Variants in NUBPL observed in about 807,000 individuals in gnomAD.
The protein encoded by NUBPL is iron-sulfur cluster transfer protein NUBPL.
A neutral mutation model predicts 45.7 loss-of-function variants in NUBPL; 31 were observed. The observed-to-expected ratio is 0.68, with a 90% confidence interval of 0.51 to 0.92. The LOEUF (loss-of-function observed/expected upper bound fraction) is 0.92. NUBPL is among the 40% of genes least tolerant of loss of function. NUBPL has a pLI of 0.00. For missense variants in NUBPL, 401 were observed against 398.7 expected (o/e 1.01, Z -0.05); for synonymous variants, 144 against 140.9 (o/e 1.02, Z -0.15).
chr14:31,848,269 C>T (rs1040109924), intron 9 of NUBPL, among the ~76,000 whole-genome samples: 1 of 152,140 alleles, frequency 6.6e-6, no homozygotes, highest in Non-Finnish European at 1.5e-5. Context: ...AGTCATGGGT[C>T]CCATGGTGTC....
intron 4 of NUBPL, among the ~76,000 whole-genome samples, chr14:31,671,938 T>C (rs2139807157): frequency 6.6e-6 from 1 of 152,364 alleles, no homozygotes; most frequent in East Asian, 1.9e-4. Flanking sequence ...CTCCTAGGTT[T>C]TATGACTTTG....
intron 7 of NUBPL, among the ~76,000 whole-genome samples, chr14:31,798,882 C>T (rs951329020): frequency 6.6e-6 from 1 of 151,172 alleles, no homozygotes; most frequent in Non-Finnish European, 1.5e-5. Context: ...AATTCTCTCT[C>T]CTTACCTGTG....
chr14:31,774,801 C>T (rs980985598), intron 6 of NUBPL, among the ~76,000 whole-genome samples: 11 of 152,096 alleles, frequency 7.2e-5, no homozygotes, highest in African/African-American at 2.4e-4. Flanking sequence ...TTGATAAACC[C>T]GTGATGTAAT....
intron 6 of NUBPL, among the ~76,000 whole-genome samples, chr14:31,689,724 G>A (rs2139858202): frequency 6.6e-6 from 1 of 152,308 alleles, no homozygotes; most frequent in Admixed American, 6.5e-5. Context: ...TCTTCGTCAT[G>A]AAATCTTTGC....
At chr14:31,836,860 CTG>C (rs2040289284) in intron 8 of NUBPL, among the ~76,000 whole-genome samples, 1 of 152,004 alleles carries the variant, frequency 6.6e-6, no homozygotes, top group African/African-American at 2.4e-5. Flanking sequence ...ATAGATATAA[CTG>C]TATCTCTGTG....
intron 6 of NUBPL, among the ~76,000 whole-genome samples, chr14:31,681,240 A>G (rs2036826159): frequency 6.6e-6 from 1 of 151,736 alleles, no homozygotes; most frequent in Non-Finnish European, 1.5e-5. Context: ...GACTAATTCT[A>G]TTCAGATTTT....
At chr14:31,740,887 A>C (rs188284337) in intron 6 of NUBPL, among the ~76,000 whole-genome samples, 2 of 152,138 alleles carry the variant, frequency 1.3e-5, no homozygotes, top group Non-Finnish European at 2.9e-5. Flanking sequence ...TTCTTCAGCC[A>C]TTTCCAGTCT....
intron 7 of NUBPL, among the ~76,000 whole-genome samples, chr14:31,821,991 G>C (rs1443853776): frequency 6.6e-6 from 1 of 152,096 alleles, no homozygotes; most frequent in Non-Finnish European, 1.5e-5. Context: ...TAAAACAATT[G>C]AACTTTTGGA....
At chr14:31,653,146 T>A (rs1227672994) in intron 4 of NUBPL, among the ~76,000 whole-genome samples, 1 of 152,104 alleles carries the variant, frequency 6.6e-6, no homozygotes, top group Non-Finnish European at 1.5e-5. Flanking sequence ...AAAGCAAAGA[T>A]CACAAGGCAA....
At chr14:31,817,638 C>T (rs2039944001) in intron 7 of NUBPL, among the ~76,000 whole-genome samples, 1 of 151,666 alleles carries the variant, frequency 6.6e-6, no homozygotes, top group Non-Finnish European at 1.5e-5. Flanking sequence ...TCCAGGCCTG[C>T]CTTACAAGAG....
chr14:31,820,226 A>T (rs946442760), intron 7 of NUBPL, among the ~76,000 whole-genome samples: 53 of 152,260 alleles, frequency 3.5e-4, no homozygotes, highest in African/African-American at 1.3e-3. Flanking sequence ...TCAGAAAATA[A>T]TTCAATTTAT....
At chr14:31,828,940 C>T (rs1316602057) in intron 8 of NUBPL, among the ~76,000 whole-genome samples, 8 of 152,016 alleles carry the variant, frequency 5.3e-5, no homozygotes, top group Non-Finnish European at 5.9e-5. Context: ...GAAGGATAGA[C>T]GTTAAGGATA....
chr14:31,798,249 T>C (rs1390770994), intron 7 of NUBPL, among the ~76,000 whole-genome samples: 3 of 152,086 alleles, frequency 2.0e-5, no homozygotes, highest in Non-Finnish European at 2.9e-5. Flanking sequence ...ACGTGCATTT[T>C]ATTTTATTTC....
At chr14:31,655,252 G>A (rs1361279315) in intron 4 of NUBPL, among the ~76,000 whole-genome samples, 6 of 152,172 alleles carry the variant, frequency 3.9e-5, no homozygotes, top group Non-Finnish European at 5.9e-5. Context: ...TTAGCCTTAT[G>A]AAGTGTATTT....
intron 4 of NUBPL, among the ~76,000 whole-genome samples, chr14:31,650,616 C>G (rs919680792): frequency 2.0e-5 from 3 of 152,132 alleles, no homozygotes; most frequent in African/African-American, 7.2e-5. Context: ...TGAAAAAATA[C>G]TGTCTCCATA....
At chr14:31,674,237 A>G (rs1023835715) in intron 6 of NUBPL, among the ~76,000 whole-genome samples, 1 of 152,176 alleles carries the variant, frequency 6.6e-6, no homozygotes, top group African/African-American at 2.4e-5. Context: ...CATTTACTTC[A>G]TCAACTTATA....
At chr14:31,603,950 A>G (rs1192648060) in intron 4 of NUBPL, among the ~76,000 whole-genome samples, 1 of 152,192 alleles carries the variant, frequency 6.6e-6, no homozygotes, top group Non-Finnish European at 1.5e-5. Context: ...TTAAAGTAAT[A>G]TGAAAACTAG....
intron 4 of NUBPL, among the ~76,000 whole-genome samples, chr14:31,616,681 A>G (rs2034910410): frequency 6.6e-6 from 1 of 152,136 alleles, no homozygotes; most frequent in East Asian, 1.9e-4. Flanking sequence ...GTAGACTTGT[A>G]GTATAGTTTG....
chr14:31,787,869 A>C lies in NUBPL; in HGVS notation c.603A>C (p.Ile201=), dbSNP rs543089711. The change falls in exon 7 of 11, where the codon ATA becomes ATC. Residue 201 remains isoleucine (I), a synonymous_variant. Coordinates refer to ENST00000281081, the MANE Select transcript of NUBPL (RefSeq NM_025152.3). ...VQLSVSQNIP[I]TGAVIVSTPQ... is the part of the protein sequence containing the mutation. ...TATCAGTCTCACAGAATATTCCTATAACAGGTAAATCTTCAAAGTTTAAAG... is the reference window on the plus strand; with the variant it reads ...TATCAGTCTCACAGAATATTCCTATCACAGGTAAATCTTCAAAGTTTAAAG... The C allele has an allele frequency of 2.0e-5, 32 of 1,601,434 alleles. No homozygotes were observed. The highest frequency in any genetic ancestry group is 2.7e-5 in the Non-Finnish European group (31 of 1,168,640).
Sources: gnomAD v4.1 joint callset for allele counts (sites outside exome capture counted in the v4.1 genomes callset) on GRCh38, gnomAD v4.1.1 for gene constraint, MANE v1.5 for transcripts, NCBI Gene and HGNC (gene_info 2026-07-23, HGNC 2026-07-21) for gene names.